The following IFT81 variants were observed in gnomAD, a reference collection of about 807,000 sequenced individuals.
IFT81 encodes the protein intraflagellar transport protein 81 homolog.
IFT81 carries 72 observed loss-of-function variants against 102.6 expected under a neutral mutation model. The ratio of observed to expected loss-of-function variants is 0.70; its 90% CI spans 0.58 to 0.85. The LOEUF is 0.85. Ranked by LOEUF, IFT81 falls within the 40% of genes least tolerant of loss-of-function variation. The probability of loss-of-function intolerance (pLI) is 0.00; values close to 1 mark genes in which losing one functional copy is unlikely to be tolerated. For synonymous variants in IFT81, 237 were observed against 242.7 expected, an observed-to-expected ratio of 0.98 and a Z score of 0.22; for missense variants, 723 against 787.3, an observed-to-expected ratio of 0.92 and a Z score of 0.98.
intron 11 of IFT81, among the ~76,000 whole-genome samples, chr12:110,164,152 A>G (rs1390538250): frequency 1.3e-5 from 2 of 152,110 alleles, no homozygotes; most frequent in Non-Finnish European, 2.9e-5. Context: ...TTACAACTTT[A>G]AAAAAATATA....
intron 12 of IFT81, 44 bp from the exon 13 acceptor site, chr12:110,190,876 A>C (rs752166020): frequency 4.1e-6 from 6 of 1,446,770 alleles, no homozygotes; most frequent in Non-Finnish European, 5.5e-6. Flanking sequence ...GGGAGCCAGC[A>C]AGATTTTGAC....
intron 10 of IFT81, among the ~76,000 whole-genome samples, chr12:110,152,473 T>TGCCCA (rs1359275998): frequency 6.6e-6 from 1 of 152,242 alleles, no homozygotes; most frequent in Non-Finnish European, 1.5e-5. Flanking sequence ...TTAGGTTCTT[T>TGCCCA]GCCCATTGTT....
chr12:110,205,574 A>G (rs1298807183), intron 16 of IFT81, 21 bp from the exon 17 acceptor site: 1 of 1,591,424 alleles, frequency 6.3e-7, no homozygotes, highest in African/African-American at 1.4e-5. Flanking sequence ...TCTTCCCTAA[A>G]ACTGAAGTCT....
intron 17 of IFT81, 102 bp from the exon 18 acceptor site, chr12:110,209,069 A>G (rs554887600): frequency 2.1e-5 from 12 of 572,608 alleles, no homozygotes; most frequent in Admixed American, 1.5e-4. Flanking sequence ...CCTAAACTAT[A>G]TTGCCTAGTG....
intron 8 of IFT81, among the ~76,000 whole-genome samples, chr12:110,137,146 C>T (rs1894562123): frequency 6.6e-6 from 1 of 152,184 alleles, no homozygotes; most frequent in African/African-American, 2.4e-5. Context: ...TCGAGACCAG[C>T]CTAGCCAACA....
chr12:110,168,884 G>C (rs1017265941), intron 11 of IFT81: 2 of 152,138 alleles, frequency 1.3e-5, no homozygotes, highest in East Asian at 3.8e-4. Context: ...CTGGCATCTG[G>C]GGGAACTTGG....
chr12:110,173,357 G>A (rs556090487), intron 11 of IFT81, among the ~76,000 whole-genome samples: 44 of 133,180 alleles, frequency 3.3e-4, no homozygotes, highest in African/African-American at 1.1e-3. Context: ...TCAGCCCCCC[G>A]CCCGGCCAGC....
chr12:110,144,442 C>G lies in IFT81; in HGVS notation c.945+897C>G, dbSNP rs1054971362. On this transcript the variant is annotated intron_variant, in intron 9 of 18. Coordinates refer to ENST00000242591, the MANE Select transcript of IFT81 (RefSeq NM_014055.4). Reference sequence around the variant, plus strand: ...GTGTTGGTCATGCTGGTCTCAAACTCCTGACCTTGTGATCCACCCATCTCA... The same window carrying G: ...GTGTTGGTCATGCTGGTCTCAAACTGCTGACCTTGTGATCCACCCATCTCA... Among the ~76,000 whole-genome samples the G allele has an allele frequency of 2.0e-5, 3 of 151,824 alleles. No individual in the cohort carries two copies. The South Asian group carries it at 6.3e-4, about 32-fold the overall frequency.
At chr12:110,179,940 C>T (rs1231796781) in intron 11 of IFT81, among the ~76,000 whole-genome samples, 1 of 148,908 alleles carries the variant, frequency 6.7e-6, no homozygotes, top group Non-Finnish European at 1.5e-5. Flanking sequence ...TGGTCTCAAA[C>T]AAATAAATAA....
chr12:110,134,837 C>G, intron 5 of IFT81, 111 bp from the exon 6 acceptor site: 1 of 738,678 alleles, frequency 1.4e-6, no homozygotes, highest in South Asian at 1.8e-5. Flanking sequence ...GTTGTTAATG[C>G]TGTGGTTATA....
intron 14 of IFT81, among the ~76,000 whole-genome samples, chr12:110,200,933 G>C (rs2137574352): frequency 6.6e-6 from 1 of 151,322 alleles, no homozygotes; most frequent in Non-Finnish European, 1.5e-5. Flanking sequence ...CTGGGCGACA[G>C]AGCAAGACTC....
intron 11 of IFT81, among the ~76,000 whole-genome samples, chr12:110,180,027 C>T (rs1237311282): frequency 3.3e-5 from 5 of 152,030 alleles, no homozygotes; most frequent in South Asian, 2.1e-4. Flanking sequence ...GAGGATACAA[C>T]GTAGAGTTGC....
At chr12:110,131,664 A>G (rs963096284) in intron 4 of IFT81, among the ~76,000 whole-genome samples, 8 of 152,088 alleles carry the variant, frequency 5.3e-5, no homozygotes, top group Admixed American at 1.3e-4. Flanking sequence ...ACTACTTTAT[A>G]TTAAACACCT....
chr12:110,164,404 G>A lies in IFT81; in HGVS notation c.1188+1339G>A, dbSNP rs370048704. 5.1e-4 allele frequency among the ~76,000 whole-genome samples: 77 copies of A among 152,124 alleles called. No homozygotes were observed. In the South Asian group the frequency reaches 0.016, roughly 32 times the overall value. ...GCTTTTTTAGCAAAATAAAGCAATA[G>A]GTCATATTTTAATTTGTAAACATTG... On this transcript the variant is annotated intron_variant, in intron 11 of 18. Transcript: ENST00000242591.
rs746258900 is a variant in IFT81, at chr12:110,162,912, C to T, written c.1042-7C>T. The T allele has an allele frequency of 1.2e-6, 2 of 1,600,426 alleles. No individual in the cohort carries two copies. The highest frequency in any genetic ancestry group is 1.7e-6 in the Non-Finnish European group (2 of 1,174,258). On this transcript the variant is annotated splice_polypyrimidine_tract_variant and splice_region_variant and intron_variant, in intron 10 of 18. Transcript: ENST00000242591. ...TTATTATACCTTCATATTTAATGCT[C>T]AATCAGGCATCTATCATTTCCCGTA...
Position 110,186,012 on chromosome 12 carries a change from G to T in IFT81, c.1339-4908G>T, listed in dbSNP as rs539950362. Among the ~76,000 whole-genome samples the T allele has an allele frequency of 2.6e-5, 4 of 151,866 alleles. No homozygotes were observed. The South Asian group carries it at 6.2e-4, about 24-fold the overall frequency. On this transcript the variant is annotated intron_variant, in intron 12 of 18. Coordinates refer to ENST00000242591, the MANE Select transcript of IFT81 (RefSeq NM_014055.4). ...TTCCTTCATCATTGTTCTTCTATTG[G>T]TATCTGTCTAATGAGCTCACCTTAA...
rs184489747 is a variant in IFT81, at chr12:110,206,890, G to A, written c.1802+1210G>A. Among the ~76,000 whole-genome samples, 186 of 152,094 alleles carry A rather than the reference G, an allele frequency of 1.2e-3. 1 individual carries two copies. The highest frequency in any genetic ancestry group is 6.8e-3 in the Middle Eastern group (2 of 294). On this transcript the variant is annotated intron_variant, in intron 17 of 18. Coordinates refer to ENST00000242591, the MANE Select transcript of IFT81 (RefSeq NM_014055.4). Reference sequence around the variant, plus strand: ...TATAAATCTATATGGCCAATGATAAGAAATGAGAAAAGTTAAATTTGTTCT... The same window carrying A: ...TATAAATCTATATGGCCAATGATAAAAAATGAGAAAAGTTAAATTTGTTCT...
intron 11 of IFT81, among the ~76,000 whole-genome samples, chr12:110,174,461 A>G (rs1361119222): frequency 6.6e-6 from 1 of 151,152 alleles, no homozygotes; most frequent in African/African-American, 2.4e-5. Flanking sequence ...GTCTCAGAAA[A>G]AAAAAAAAAA....
intron 17 of IFT81, among the ~76,000 whole-genome samples, chr12:110,208,490 A>AGT (rs1261268624): frequency 6.6e-6 from 1 of 152,144 alleles, no homozygotes; most frequent in African/African-American, 2.4e-5. Flanking sequence ...TGGGCAACAG[A>AGT]GTGAGACCTT....
Sources: gnomAD v4.1 joint callset for allele counts (sites outside exome capture counted in the v4.1 genomes callset) on GRCh38, gnomAD v4.1.1 for gene constraint, MANE v1.5 for transcripts, NCBI Gene and HGNC (gene_info 2026-07-23, HGNC 2026-07-21) for gene names.